Variants in DBNDD2 observed in about 807,000 individuals in gnomAD.
DBNDD2 encodes the protein dysbindin domain-containing protein 2.
DBNDD2 carries 8 observed loss-of-function variants against 14.0 expected under a neutral mutation model. The observed-to-expected ratio is 0.57, with a 90% confidence interval of 0.33 to 1.03. DBNDD2 has a LOEUF of 1.03. Among genes scored for constraint, DBNDD2 ranks in the 50% least tolerant of loss-of-function variants. The pLI is 0.03. For missense variants in DBNDD2, 194 were observed against 206.0 expected (o/e 0.94, Z 0.36); for synonymous variants, 94 against 85.3 (o/e 1.10, Z -0.56).
At chr20:45,408,186 T>C (rs1317090718), upstream of DBNDD2, 1 of 1,550,460 alleles carries the variant, frequency 6.4e-7, no homozygotes, top group Admixed American at 2.0e-5. Context: ...ATTGGCTGTG[T>C]TCCCTGAATA....
intron 2 of DBNDD2, 107 bp downstream of exon 2, chr20:45,409,045 TG>T (rs748223878): frequency 6.2e-7 from 1 of 1,606,896 alleles, no homozygotes; most frequent in Non-Finnish European, 8.5e-7. Flanking sequence ...AAGTAAGGGC[TG>T]GAAGTGGGTG....
At position 45,408,883 on chromosome 20, in the gene DBNDD2, T is replaced by C; in HGVS notation, c.222T>C (p.Asp74=). ...QVELIDLGDP[D]AADVFLPCED... ...AACTTATTGACCTTGGGGACCCGGA[T>C]GCAGCAGATGTGTTCTTGCCTTGCG... The change falls in exon 2 of 3, where the codon GAT becomes GAC. Residue 74 remains aspartate (D), a synonymous_variant. Transcript: ENST00000372710. 4.3e-6 allele frequency: 7 copies of C among 1,614,256 alleles called. No individual in the cohort carries two copies. Among genetic ancestry groups the C allele is most frequent in the Non-Finnish European group, 5.9e-6 (7 of 1,180,050 alleles).
chr20:45,407,445 C>T (rs1989510630), upstream of DBNDD2: 5 of 985,802 alleles, frequency 5.1e-6, no homozygotes, highest in South Asian at 4.7e-5. Flanking sequence ...GACGTCTGAT[C>T]CTCAAGCTAG....
chr20:45,409,247 T>A (rs1412137009), intron 2 of DBNDD2, among the ~76,000 whole-genome samples: 1 of 152,224 alleles, frequency 6.6e-6, no homozygotes, highest in Non-Finnish European at 1.5e-5. Context: ...ATTTGGCAAC[T>A]TAAGTAGTTT....
chr20:45,407,619 A>G, upstream of DBNDD2: 1 of 988,830 alleles, frequency 1.0e-6, no homozygotes, highest in Non-Finnish European at 1.2e-6. Flanking sequence ...AACTGGACCC[A>G]GAACCCGCCT....
upstream of DBNDD2, chr20:45,406,475 C>T (rs1372350808): frequency 2.0e-6 from 3 of 1,526,806 alleles, no homozygotes; most frequent in African/African-American, 1.4e-5. Context: ...ACTTTTTGAC[C>T]GCCTTGGAAG....
chr20:45,407,211 G>A (rs759748286), upstream of DBNDD2: 135 of 659,060 alleles, frequency 2.0e-4, no homozygotes, highest in Non-Finnish European at 2.5e-4. Flanking sequence ...TATTTTTAGC[G>A]TTGTGACCTG....
At chr20:45,407,753 A>G (rs1320987719), upstream of DBNDD2, 2 of 1,008,948 alleles carry the variant, frequency 2.0e-6, no homozygotes, top group East Asian at 1.9e-4. Flanking sequence ...GCTCACCTTC[A>G]CAAGCAGGGT....
At chr20:45,406,298 A>C (rs912503148), upstream of DBNDD2, 6 of 635,678 alleles carry the variant, frequency 9.4e-6, no homozygotes, top group Admixed American at 2.3e-4. Context: ...GGCGCAGAGC[A>C]TCAAGTGTGC....
intron 2 of DBNDD2, 66 bp from the exon 3 acceptor site, chr20:45,409,866 C>A: frequency 6.7e-7 from 1 of 1,502,766 alleles, no homozygotes; most frequent in African/African-American, 1.4e-5. Context: ...TTACTCCTGG[C>A]CAGATAATCT....
Position 45,408,620 on chromosome 20 carries a change from C to T in DBNDD2, c.139+14C>T. 1 of 1,609,642 alleles carries T rather than the reference C, an allele frequency of 6.2e-7. No homozygotes were observed. Among genetic ancestry groups the T allele is most frequent in the Non-Finnish European group, 8.5e-7 (1 of 1,176,770 alleles). Reference sequence around the variant, plus strand: ...AGTCGCAGAGACGTAAGTCCCAAGTCCTGAGAAGAGGGACTGGGGTAGGGT... The same window carrying T: ...AGTCGCAGAGACGTAAGTCCCAAGTTCTGAGAAGAGGGACTGGGGTAGGGT... On this transcript the variant is annotated intron_variant, in intron 1 of 2. Transcript: ENST00000372710.
upstream of DBNDD2, chr20:45,407,609 A>T: frequency 5.1e-6 from 5 of 988,606 alleles, no homozygotes; most frequent in Non-Finnish European, 4.8e-6. Context: ...GCCTGCTCTG[A>T]ACTGGACCCA....
intron 1 of DBNDD2, 43 bp downstream of exon 1, chr20:45,408,649 G>C: frequency 6.3e-7 from 1 of 1,599,240 alleles, no homozygotes; most frequent in African/African-American, 1.3e-5. Context: ...GTAGGGTAGG[G>C]AGGATGTCCT....
intron 2 of DBNDD2, among the ~76,000 whole-genome samples, chr20:45,409,202 C>T (rs2145419798): frequency 6.6e-6 from 1 of 152,254 alleles, no homozygotes; most frequent in South Asian, 2.1e-4. Flanking sequence ...TAATTAGTCA[C>T]TATAATTAAA....
intron 2 of DBNDD2, 46 bp from the exon 3 acceptor site, chr20:45,409,886 C>T (rs184711810): frequency 2.0e-5 from 30 of 1,538,326 alleles, no homozygotes; most frequent in Non-Finnish European, 2.6e-5. Context: ...TTTAAGAGTT[C>T]TCTGAAGCCC....
At chr20:45,408,200 A>T, upstream of DBNDD2, 1 of 1,551,060 alleles carries the variant, frequency 6.4e-7, no homozygotes. Context: ...CTGAATACAG[A>T]GTATCTCTCT....
chr20:45,408,868 C>T lies in DBNDD2; in HGVS notation c.207C>T (p.Asp69=). The change falls in exon 2 of 3, where the codon GAC becomes GAT. Residue 69 remains aspartate (D), a synonymous_variant. Coordinates refer to ENST00000372710, the MANE Select transcript of DBNDD2 (RefSeq NM_001048225.4). ...VDTLEQVELI[D]LGDPDAADVF... ...CACTGGAGCAAGTAGAACTTATTGACCTTGGGGACCCGGATGCAGCAGATG... is the reference window on the plus strand; with the variant it reads ...CACTGGAGCAAGTAGAACTTATTGATCTTGGGGACCCGGATGCAGCAGATG... 1 of 1,614,216 alleles carries T rather than the reference C, an allele frequency of 6.2e-7. No homozygotes were observed. The highest frequency in any genetic ancestry group is 8.5e-7 in the Non-Finnish European group (1 of 1,180,044).
chr20:45,410,266 T>C lies in DBNDD2; in HGVS notation c.*126T>C, dbSNP rs992532358. 9.6e-7 allele frequency: 1 copy of C among 1,036,344 alleles called. No individual in the cohort carries two copies. Among genetic ancestry groups the C allele is most frequent in the African/African-American group, 1.6e-5 (1 of 62,566 alleles). 64.2% of individuals were successfully genotyped at this position (1,036,344 alleles called of 1,614,324 possible). On this transcript the variant is annotated 3_prime_UTR_variant, in exon 3 of 3. Transcript: ENST00000372710. ...CAGTAGGCACCAGAGGTGGGAAGGA[T>C]GGTGGGATTGTGTACCTTTCTAAGA...
chr20:45,406,319 C>CCGGCGCGGGCGCCCGCCGCGGGT (rs1989369685), upstream of DBNDD2: 1 of 789,768 alleles, frequency 1.3e-6, no homozygotes, highest in African/African-American at 1.9e-5. Flanking sequence ...GTGGGCAGAA[C>CCGGCGCGGGCGCCCGCCGCGGGT]CGGCGCGGGC....
Sources: gnomAD v4.1 joint callset for allele counts (sites outside exome capture counted in the v4.1 genomes callset) on GRCh38, gnomAD v4.1.1 for gene constraint, MANE v1.5 for transcripts, NCBI Gene and HGNC (gene_info 2026-07-23, HGNC 2026-07-21) for gene names.